The following SH3RF3 variants were observed in gnomAD, a reference collection of about 807,000 sequenced individuals.
SH3RF3 encodes E3 ubiquitin-protein ligase SH3RF3.
SH3RF3 carries 29 observed loss-of-function variants against 66.3 expected under a neutral mutation model. The observed-to-expected ratio is 0.44, with a 90% confidence interval of 0.33 to 0.60. SH3RF3 has a LOEUF of 0.60. SH3RF3 is among the 20% of genes least tolerant of loss of function. The pLI is 0.04. For missense variants in SH3RF3, 1,194 were observed against 1,190.9 expected (o/e 1.00, Z -0.04); for synonymous variants, 583 against 532.0 (o/e 1.10, Z -1.32).
intron 2 of SH3RF3, among the ~76,000 whole-genome samples, chr2:109,351,128 G>A (rs1682829119): frequency 2.0e-5 from 3 of 152,216 alleles, no homozygotes; most frequent in South Asian, 2.1e-4. Context: ...TTAGTAGCCC[G>A]ACTCCAGAAA....
At chr2:109,364,950 G>C (rs1356698980) in intron 2 of SH3RF3, among the ~76,000 whole-genome samples, 1 of 152,120 alleles carries the variant, frequency 6.6e-6, no homozygotes, top group Non-Finnish European at 1.5e-5. Context: ...AATTAACTGG[G>C]TGTAGTGGCA....
intron 1 of SH3RF3, among the ~76,000 whole-genome samples, chr2:109,221,529 C>T (rs1354236967): frequency 6.6e-6 from 1 of 151,074 alleles, no homozygotes; most frequent in African/African-American, 2.4e-5. Flanking sequence ...CTGCGGTAAG[C>T]CGCGATCGCG....
intron 1 of SH3RF3, among the ~76,000 whole-genome samples, chr2:109,248,060 G>A (rs1450370379): frequency 1.3e-5 from 2 of 152,170 alleles, no homozygotes; most frequent in Non-Finnish European, 2.9e-5. Context: ...CCAAGGGCCT[G>A]GATCCAGGGA....
intron 1 of SH3RF3, among the ~76,000 whole-genome samples, chr2:109,150,850 A>G (rs557072009): frequency 1.4e-4 from 21 of 152,308 alleles, no homozygotes; most frequent in East Asian, 1.3e-3. Context: ...TGCTTTTACC[A>G]TACTATAAAT....
chr2:109,206,154 T>C (rs1678804448), intron 1 of SH3RF3, among the ~76,000 whole-genome samples: 1 of 152,108 alleles, frequency 6.6e-6, no homozygotes, highest in Non-Finnish European at 1.5e-5. Context: ...TGTAGAATGT[T>C]ATTCTGGGGA....
chr2:109,472,493 A>T (rs1678548974), intron 8 of SH3RF3, among the ~76,000 whole-genome samples: 1 of 152,164 alleles, frequency 6.6e-6, no homozygotes, highest in African/African-American at 2.4e-5. Context: ...ATCAGGAAGG[A>T]CTTGTGGAAA....
At chr2:109,441,124 T>G (rs1026213245) in intron 7 of SH3RF3, among the ~76,000 whole-genome samples, 2 of 75,536 alleles carry the variant, frequency 2.6e-5, no homozygotes, top group African/African-American at 7.0e-5. Context: ...AGAATATTTA[T>G]AGGAATACAA....
intron 3 of SH3RF3, among the ~76,000 whole-genome samples, chr2:109,384,737 G>A (rs929918963): frequency 6.6e-6 from 1 of 152,158 alleles, no homozygotes; most frequent in African/African-American, 2.4e-5. Flanking sequence ...AATGCATGTG[G>A]AGGGAGCCTT....
At chr2:109,357,553 C>T (rs145723149) in intron 2 of SH3RF3, among the ~76,000 whole-genome samples, 4 of 152,292 alleles carry the variant, frequency 2.6e-5, no homozygotes, top group African/African-American at 7.2e-5. Context: ...GTTACCAGCC[C>T]GCCCTTCCCG....
chr2:109,277,256 A>G (rs953820341), intron 1 of SH3RF3, among the ~76,000 whole-genome samples: 1 of 151,958 alleles, frequency 6.6e-6, no homozygotes, highest in African/African-American at 2.4e-5. Flanking sequence ...CCTCTCCCTC[A>G]CTGTACAGGA....
chr2:109,392,438 A>G (rs759639330), intron 3 of SH3RF3, among the ~76,000 whole-genome samples: 3 of 152,078 alleles, frequency 2.0e-5, no homozygotes, highest in Non-Finnish European at 4.4e-5. Flanking sequence ...TGGTGGATAT[A>G]AGGGTCTGAT....
intron 4 of SH3RF3, among the ~76,000 whole-genome samples, chr2:109,409,411 G>A (rs1166244479): frequency 6.6e-6 from 1 of 152,232 alleles, no homozygotes; most frequent in Non-Finnish European, 1.5e-5. Flanking sequence ...AGCAGTGGAT[G>A]GTGGGCATGG....
At chr2:109,478,723 G>T (rs1260296907) in intron 8 of SH3RF3, among the ~76,000 whole-genome samples, 2 of 152,144 alleles carry the variant, frequency 1.3e-5, no homozygotes, top group Non-Finnish European at 2.9e-5. Flanking sequence ...GAGCTCGTAG[G>T]TAAGATCTTC....
intron 1 of SH3RF3, among the ~76,000 whole-genome samples, chr2:109,214,840 A>G (rs1227872182): frequency 4.6e-5 from 7 of 152,182 alleles, no homozygotes; most frequent in Non-Finnish European, 1.0e-4. Context: ...CTGAGTTCCA[A>G]GGGCTGCTGG....
Position 109,398,690 on chromosome 2 carries a change from C to T in SH3RF3, c.1046C>T (p.Ala349Val). The T allele has an allele frequency of 2.5e-6, 4 of 1,611,056 alleles. No individual in the cohort carries two copies. Among genetic ancestry groups the T allele is most frequent in the Non-Finnish European group, 3.4e-6 (4 of 1,178,852 alleles). The change falls in exon 4 of 10, where the codon GCC becomes GTC. Residue 349 changes from alanine (A) to valine (V), a missense_variant. Physicochemically the swap from Ala to Val is moderately conservative, Grantham distance 64. Coordinates refer to ENST00000309415, the MANE Select transcript of SH3RF3 (RefSeq NM_001099289.3). ...CTGCCCTCTGACTCCGGCGCTGTGGCCAGCGTGGCCCCAAGTCCCACTTTA... is the reference window on the plus strand; with the variant it reads ...CTGCCCTCTGACTCCGGCGCTGTGGTCAGCGTGGCCCCAAGTCCCACTTTA... ...ASLPSDSGAV[A>V]SVAPSPTLSS...
intron 3 of SH3RF3, among the ~76,000 whole-genome samples, chr2:109,378,369 C>G (rs1381901893): frequency 6.6e-6 from 1 of 152,200 alleles, no homozygotes; most frequent in Admixed American, 6.5e-5. Context: ...AGGATGGGGG[C>G]TCTAGTTCTC....
intron 3 of SH3RF3, among the ~76,000 whole-genome samples, chr2:109,393,760 G>A (rs1372044230): frequency 1.3e-5 from 2 of 151,920 alleles, no homozygotes; most frequent in Non-Finnish European, 2.9e-5. Flanking sequence ...GGGCCCAGGG[G>A]GACACAACTA....
rs564367300 is a variant in SH3RF3 at position 109,405,199 on chromosome 2, C to T, written c.1299+6256C>T. ...ACTACCTGCTGGCTTCCTGGAGAGA[C>T]GCCTCAACTTCAGCGCATGCCAGGA... On this transcript the variant is annotated intron_variant, in intron 4 of 9. Transcript: ENST00000309415. 2.2e-4 allele frequency among the ~76,000 whole-genome samples: 33 copies of T among 152,246 alleles called. 1 individual carries two copies. The Middle Eastern group carries it at 0.027, about 126-fold the overall frequency.
chr2:109,384,880 CACAGTTCA>C (rs1241766786), intron 3 of SH3RF3, among the ~76,000 whole-genome samples: 3 of 152,300 alleles, frequency 2.0e-5, no homozygotes, highest in South Asian at 2.1e-4. Context: ...CCACTTCCCC[CACAGTTCA>C]TTCTCACACA....
Sources: gnomAD v4.1 joint callset for allele counts (sites outside exome capture counted in the v4.1 genomes callset) on GRCh38, gnomAD v4.1.1 for gene constraint, MANE v1.5 for transcripts, NCBI Gene and HGNC (gene_info 2026-07-23, HGNC 2026-07-21) for gene names.